Variants in TMOD3 observed in about 807,000 individuals in gnomAD.
TMOD3 encodes tropomodulin-3.
Under a neutral mutation model 39.2 loss-of-function variants are expected in TMOD3, and 20 were observed. The ratio of observed to expected loss-of-function variants is 0.51; its 90% CI spans 0.36 to 0.74. TMOD3 has a LOEUF of 0.74. TMOD3 is among the 30% of genes least tolerant of loss of function. The pLI is 0.00. For missense variants in TMOD3, 381 were observed against 412.8 expected, an observed-to-expected ratio of 0.92 and a Z score of 0.67; for synonymous variants, 143 against 145.8, an observed-to-expected ratio of 0.98 and a Z score of 0.14.
In TMOD3 at chr15:51,862,920, C is replaced by T. The variant is rs780407038; in HGVS notation, c.36C>T (p.Tyr12=). 6.2e-7 allele frequency: 1 copy of T among 1,613,980 alleles called. No individual in the cohort carries two copies. Among genetic ancestry groups the T allele is most frequent in the Admixed American group, 1.7e-5 (1 of 60,008 alleles). ...CATTCCGTAAGGACTTAGAAAAGTA[C>T]AAAGACCTTGATGAAGATGAGCTCC... ...ALPFRKDLEK[Y]KDLDEDELLG... Residue 12 remains tyrosine, a synonymous_variant, in exon 2 of 10, where the codon TAC becomes TAT. Transcript: ENST00000308580.
Position 51,864,785 on chromosome 15 carries a change from G to T in TMOD3, c.126+1775G>T, listed in dbSNP as rs185833479. Among the ~76,000 whole-genome samples the T allele has an allele frequency of 2.5e-3, 376 of 152,220 alleles. 5 individuals carry two copies. Among genetic ancestry groups the T allele is most frequent in the Admixed American group, 7.5e-3 (115 of 15,278 alleles). ...AGTATCTGGTTCTGGGTGATTTAGG[G>T]GGAGGGGAAATACTGGCTTGGTAAG... On this transcript the variant is annotated intron_variant, in intron 2 of 9. Coordinates refer to ENST00000308580, the MANE Select transcript of TMOD3 (RefSeq NM_014547.5).
intron 1 of TMOD3, chr15:51,833,423 C>A (rs542960155): frequency 6.6e-6 from 1 of 152,170 alleles, no homozygotes; most frequent in Non-Finnish European, 1.5e-5. Flanking sequence ...CACATAATAT[C>A]CAGTTCAAGG....
intron 1 of TMOD3, among the ~76,000 whole-genome samples, chr15:51,855,003 C>T (rs1366746316): frequency 1.3e-5 from 2 of 152,048 alleles, no homozygotes. Flanking sequence ...AAGACTTGGC[C>T]AAAAATATAC....
intron 1 of TMOD3, chr15:51,859,950 C>G (rs565344534): frequency 1.8e-6 from 1 of 546,112 alleles, no homozygotes; most frequent in East Asian, 5.1e-5. Flanking sequence ...CTGAGGAACC[C>G]ACTATTTGTC....
chr15:51,894,819 G>T (rs560779666), intron 6 of TMOD3, among the ~76,000 whole-genome samples: 1 of 152,228 alleles, frequency 6.6e-6, no homozygotes, highest in Admixed American at 6.5e-5. Flanking sequence ...TATTAATACA[G>T]CCACTATATA....
At chr15:51,835,025 A>T (rs898528698) in intron 1 of TMOD3, 18 of 152,328 alleles carry the variant, frequency 1.2e-4, no homozygotes, top group African/African-American at 4.1e-4. Context: ...ATCCAGGGCT[A>T]GTTACCATGT....
In TMOD3 at chr15:51,852,834, A is replaced by G. The variant is rs58370000; in HGVS notation, c.-74-9977A>G. ...ATTCTCTGCTCTTCAAGAGCTTTAC[A>G]GTGTCTAGTGAGAGAGACAGGTGAA... On this transcript the variant is annotated intron_variant, in intron 1 of 9. Transcript: ENST00000308580. Among the ~76,000 whole-genome samples the G allele has an allele frequency of 8.0e-3, 1,216 of 152,346 alleles. 31 individuals are homozygous for G. Among genetic ancestry groups the G allele is most frequent in the East Asian group, 0.075 (388 of 5,182 alleles).
At chr15:51,878,528 C>T (rs1218795575) in intron 3 of TMOD3, among the ~76,000 whole-genome samples, 1 of 152,110 alleles carries the variant, frequency 6.6e-6, no homozygotes, top group African/African-American at 2.4e-5. Context: ...TGTTCTATTT[C>T]CCTGTTAAAG....
rs552007572 is a variant in TMOD3 at position 51,909,763 on chromosome 15, C to T, written c.*953C>T. 1.3e-5 allele frequency: 2 copies of T among 152,306 alleles called. No homozygotes were observed. Among genetic ancestry groups the T allele is most frequent in the South Asian group, 4.1e-4 (2 of 4,826 alleles). 9.4% of individuals were successfully genotyped at this position (152,306 alleles called of 1,614,324 possible). A position where few individuals can be genotyped will look rare whatever the true frequency, so the allele number is the denominator to read the frequency against. ...ATGGTTACTGTAAGTCAGTTGGAAGCTGGCATGTATGTAAATTACTTGGTG... is the reference window on the plus strand; with the variant it reads ...ATGGTTACTGTAAGTCAGTTGGAAGTTGGCATGTATGTAAATTACTTGGTG... On this transcript the variant is annotated 3_prime_UTR_variant, in exon 10 of 10. Coordinates refer to ENST00000308580, the MANE Select transcript of TMOD3 (RefSeq NM_014547.5).
intron 3 of TMOD3, among the ~76,000 whole-genome samples, chr15:51,870,058 C>T (rs767043945): frequency 4.3e-4 from 66 of 152,242 alleles, no homozygotes; most frequent in Non-Finnish European, 6.6e-4. Context: ...CCTGTCTCAG[C>T]CTCCTTAGTA....
intron 1 of TMOD3, among the ~76,000 whole-genome samples, chr15:51,843,562 G>C (rs746789585): frequency 2.6e-5 from 4 of 152,144 alleles, no homozygotes; most frequent in Non-Finnish European, 5.9e-5. Flanking sequence ...TCTAGAGCCT[G>C]GTCTGACAGA....
chr15:51,903,361 G>A (rs1016282452), intron 9 of TMOD3, among the ~76,000 whole-genome samples: 5 of 152,194 alleles, frequency 3.3e-5, no homozygotes, highest in African/African-American at 1.2e-4. Flanking sequence ...TTTTAAAGAT[G>A]CATCTTAGAC....
At chr15:51,893,735 G>C in intron 5 of TMOD3, 80 bp from the exon 6 acceptor site, 2 of 1,347,124 alleles carry the variant, frequency 1.5e-6, no homozygotes, top group Non-Finnish European at 1.9e-6. Flanking sequence ...ACTGCACTCC[G>C]GCCTGGGCGA....
intron 1 of TMOD3, among the ~76,000 whole-genome samples, chr15:51,851,941 A>G (rs1167302084): frequency 6.6e-6 from 1 of 152,132 alleles, no homozygotes; most frequent in Admixed American, 6.5e-5. Context: ...CTCAAAAGTC[A>G]TCTTTCAGAA....
At chr15:51,906,108 G>T (rs1156639513) in intron 9 of TMOD3, among the ~76,000 whole-genome samples, 2 of 152,132 alleles carry the variant, frequency 1.3e-5, no homozygotes, top group African/African-American at 4.8e-5. Context: ...GTCAGAAATG[G>T]CCCGTTGCCC....
At chr15:51,859,057 T>G (rs2056402862) in intron 1 of TMOD3, 2 of 429,760 alleles carry the variant, frequency 4.7e-6, no homozygotes, top group Non-Finnish European at 8.4e-6. Context: ...AAAATTAAAG[T>G]GTGTCTTGAA....
intron 5 of TMOD3, among the ~76,000 whole-genome samples, chr15:51,889,654 G>C (rs1385458222): frequency 1.3e-5 from 2 of 152,126 alleles, no homozygotes; most frequent in African/African-American, 2.4e-5. Flanking sequence ...AGGATTGCTT[G>C]AGTCCAGGAG....
At chr15:51,849,878 C>G (rs1414972339) in intron 1 of TMOD3, among the ~76,000 whole-genome samples, 4 of 151,464 alleles carry the variant, frequency 2.6e-5, no homozygotes, top group Non-Finnish European at 5.9e-5. Context: ...AGGTTGCAGT[C>G]AGCCGAGATC....
chr15:51,837,941 C>T (rs988249124), intron 1 of TMOD3, among the ~76,000 whole-genome samples: 2 of 152,154 alleles, frequency 1.3e-5, no homozygotes, highest in African/African-American at 4.8e-5. Context: ...AGGGGAGCCT[C>T]TGCAGAAATG....
Sources: gnomAD v4.1 joint callset for allele counts (sites outside exome capture counted in the v4.1 genomes callset) on GRCh38, gnomAD v4.1.1 for gene constraint, MANE v1.5 for transcripts, NCBI Gene and HGNC (gene_info 2026-07-23, HGNC 2026-07-21) for gene names.